The following PPP1R21 variants were observed in gnomAD, a reference collection of about 807,000 sequenced individuals.
The protein encoded by PPP1R21 is KLRAQ motif containing 1.
In PPP1R21, 85 loss-of-function variants were observed where a neutral mutation model predicts 112.8. The observed-to-expected ratio is 0.75, with a 90% CI of 0.63 to 0.90. The LOEUF (loss-of-function observed/expected upper bound fraction) is 0.90, where lower values mean the gene tolerates loss of function less well. PPP1R21 is among the 40% of genes least tolerant of loss of function. The pLI, the probability that PPP1R21 is intolerant of heterozygous loss-of-function variation, is 0.00. For missense variants in PPP1R21, 1,199 were observed against 901.5 expected (o/e 1.33, Z -4.23); for synonymous variants, 381 against 322.3 (o/e 1.18, Z -1.95).
chr2:48,486,803 G>A (rs746173193), intron 14 of PPP1R21, 45 bp downstream of exon 14: 3 of 1,570,898 alleles, frequency 1.9e-6, no homozygotes, highest in Admixed American at 1.9e-5. Flanking sequence ...TCTTAAATAT[G>A]TGCTTTTTTT....
chr2:48,509,314 C>G (rs1255083246), intron 19 of PPP1R21, among the ~76,000 whole-genome samples: 1 of 151,558 alleles, frequency 6.6e-6, no homozygotes, highest in Non-Finnish European at 1.5e-5. Flanking sequence ...ACCTTAGGAT[C>G]CATAGTGCGT....
chr2:48,500,170 AGAT>A (rs1346595792), intron 17 of PPP1R21, among the ~76,000 whole-genome samples: 1 of 152,194 alleles, frequency 6.6e-6, no homozygotes, highest in African/African-American at 2.4e-5. Flanking sequence ...TCAGAACCTC[AGAT>A]GATTGTGAAT....
At chr2:48,443,994 G>A (rs537755159) in intron 1 of PPP1R21, among the ~76,000 whole-genome samples, 1 of 152,086 alleles carries the variant, frequency 6.6e-6, no homozygotes, top group South Asian at 2.1e-4. Context: ...TTCAGCCTTT[G>A]TTCCAGGAAA....
At chr2:48,486,781 T>G (rs752903369) in intron 14 of PPP1R21, 23 bp downstream of exon 14, 1 of 1,602,798 alleles carries the variant, frequency 6.2e-7, no homozygotes, top group South Asian at 1.1e-5. Context: ...TGGCGTATAT[T>G]GATGTTAAAA....
At chr2:48,453,220 C>G (rs551219333) in intron 2 of PPP1R21, among the ~76,000 whole-genome samples, 1 of 152,184 alleles carries the variant, frequency 6.6e-6, no homozygotes, top group Non-Finnish European at 1.5e-5. Context: ...TCCCAAAGTG[C>G]TGGGATTATA....
chr2:48,469,011 G>C (rs1408565248), intron 9 of PPP1R21, among the ~76,000 whole-genome samples: 1 of 151,818 alleles, frequency 6.6e-6, no homozygotes, highest in Non-Finnish European at 1.5e-5. Flanking sequence ...CATCGCGGGA[G>C]GCAAAAGACA....
At position 48,514,974 on chromosome 2, in the gene PPP1R21, C is replaced by G. The variant is rs895850116; in HGVS notation, c.*230C>G. On this transcript the variant is annotated 3_prime_UTR_variant, in exon 22 of 22. Coordinates refer to ENST00000294952, the MANE Select transcript of PPP1R21 (RefSeq NM_001135629.3). ...AGTAAATGGAAAACAATACGTATGT[C>G]ATGGATATTGTAGGTTTCCTTATGC... 7.6e-6 allele frequency: 4 copies of G among 528,366 alleles called. No homozygotes were observed. Among genetic ancestry groups the G allele is most frequent in the East Asian group, 6.1e-5 (2 of 32,740 alleles). 32.7% of individuals were successfully genotyped at this position (528,366 alleles called of 1,614,324 possible).
intron 9 of PPP1R21, among the ~76,000 whole-genome samples, chr2:48,467,721 T>G (rs1668267896): frequency 2.0e-5 from 3 of 152,228 alleles, no homozygotes; most frequent in Admixed American, 6.5e-5. Flanking sequence ...GTATCATCAC[T>G]TCTTCAGTAT....
At chr2:48,466,185 A>G (rs1015268418) in intron 9 of PPP1R21, among the ~76,000 whole-genome samples, 1 of 151,896 alleles carries the variant, frequency 6.6e-6, no homozygotes, top group Non-Finnish European at 1.5e-5. Flanking sequence ...GCATGGGGAC[A>G]TAGAACCAAA....
intron 9 of PPP1R21, among the ~76,000 whole-genome samples, chr2:48,469,067 G>A (rs1354385650): frequency 6.6e-6 from 1 of 151,610 alleles, no homozygotes; most frequent in Non-Finnish European, 1.5e-5. Flanking sequence ...AGAAGCAAAA[G>A]TGGAAACCCC....
At chr2:48,490,903 T>C in intron 14 of PPP1R21, 115 bp from the exon 15 acceptor site, 2 of 875,282 alleles carry the variant, frequency 2.3e-6, no homozygotes, top group Non-Finnish European at 3.5e-6. Context: ...GTGTTGAAAT[T>C]TCATTTCCAT....
chr2:48,483,820 A>G (rs923743433), intron 13 of PPP1R21, among the ~76,000 whole-genome samples: 1 of 152,014 alleles, frequency 6.6e-6, no homozygotes, highest in African/African-American at 2.4e-5. Flanking sequence ...CAAAATGTCA[A>G]TTTAGTGTAT....
chr2:48,443,387 A>G (rs114092188), intron 1 of PPP1R21, among the ~76,000 whole-genome samples: 2,902 of 152,328 alleles, frequency 0.019, 80 homozygotes, highest in African/African-American at 0.064. Context: ...TATTATTAGT[A>G]TGAGGTAATG....
At chr2:48,473,473 G>C (rs565308467) in intron 11 of PPP1R21, among the ~76,000 whole-genome samples, 8 of 152,148 alleles carry the variant, frequency 5.3e-5, no homozygotes, top group Admixed American at 2.0e-4. Context: ...TAAAACACTG[G>C]ATGAATTCTT....
intron 1 of PPP1R21, among the ~76,000 whole-genome samples, chr2:48,444,175 G>A (rs74318372): frequency 0.1 from 15,263 of 152,280 alleles, 832 homozygotes; most frequent in Non-Finnish European, 0.12. Context: ...AAAAGAAAGT[G>A]TTATGGAAAG....
chr2:48,491,031 T>G lies in PPP1R21; in HGVS notation c.1460T>G (p.Phe487Cys). The change falls in exon 15 of 22, where the codon TTC (phenylalanine) becomes TGC (cysteine). Residue 487 changes from phenylalanine to cysteine, a missense_variant. Transcript: ENST00000294952. ...TNGAGKIASFFSNNLDYFIAS... is the reference protein window; with the variant it reads ...TNGAGKIASFCSNNLDYFIAS... Reference sequence around the variant, plus strand: ...TACTTTGTTTAGATTGCATCCTTCTTCAGCAACAATTTGGACTACTTCATT... The same window carrying G: ...TACTTTGTTTAGATTGCATCCTTCTGCAGCAACAATTTGGACTACTTCATT... The G allele has an allele frequency of 6.2e-7, 1 of 1,614,062 alleles. No individual in the cohort carries two copies. Among genetic ancestry groups the G allele is most frequent in the Non-Finnish European group, 8.5e-7 (1 of 1,179,904 alleles).
rs750985576 is a variant in PPP1R21 at position 48,471,067 on chromosome 2, A to G, written c.898-20A>G. ...TTATTTTCCAGTGATTTAATTCACA[A>G]TACTTTCCCTCCTGTTTAGTTCTCA... On this transcript the variant is annotated intron_variant, in intron 9 of 21. Coordinates refer to ENST00000294952, the MANE Select transcript of PPP1R21 (RefSeq NM_001135629.3). 4.0e-6 allele frequency: 6 copies of G among 1,494,312 alleles called. No homozygotes were observed. The highest frequency in any genetic ancestry group is 4.6e-5 in the East Asian group (2 of 43,836). The allele number at this position is 1,494,312 out of a possible 1,614,324, so 92.6% of individuals were successfully genotyped here.
intron 9 of PPP1R21, among the ~76,000 whole-genome samples, chr2:48,469,041 A>C (rs1668336067): frequency 2.0e-5 from 3 of 151,822 alleles, no homozygotes; most frequent in African/African-American, 7.3e-5. Flanking sequence ...TGGCAGCGGC[A>C]AGAGAAAAAT....
intron 12 of PPP1R21, among the ~76,000 whole-genome samples, chr2:48,475,550 A>G (rs1013467996): frequency 1.3e-5 from 2 of 151,968 alleles, no homozygotes; most frequent in African/African-American, 4.8e-5. Context: ...CCTAACTTCA[A>G]AAAAAGTATT....
Sources: gnomAD v4.1 joint callset for allele counts (sites outside exome capture counted in the v4.1 genomes callset) on GRCh38, gnomAD v4.1.1 for gene constraint, MANE v1.5 for transcripts, NCBI Gene and HGNC (gene_info 2026-07-23, HGNC 2026-07-21) for gene names.